NADSYN1: variants seen among roughly 807,000 people sequenced by gnomAD.
NADSYN1 encodes the protein glutamine-dependent NAD(+) synthetase.
A neutral mutation model predicts 99.3 loss-of-function variants in NADSYN1; 80 were observed. That is an observed-to-expected ratio of 0.81 (90% CI 0.67 to 0.97). NADSYN1 has a LOEUF of 0.97. Among genes scored for constraint, NADSYN1 ranks in the 50% least tolerant of loss-of-function variants. The probability of loss-of-function intolerance (pLI) is 0.00; values close to 1 mark genes in which losing one functional copy is unlikely to be tolerated. For synonymous variants in NADSYN1, 385 were observed against 372.1 expected, an observed-to-expected ratio of 1.03 and a Z score of -0.40; for missense variants, 859 against 948.5, an observed-to-expected ratio of 0.91 and a Z score of 1.24.
At chr11:71,477,519 A>G in intron 9 of NADSYN1, 3 of 1,145,616 alleles carry the variant, frequency 2.6e-6, no homozygotes, top group African/African-American at 3.2e-5. Context: ...GCAGTGGTGC[A>G]GGTGCTGTTC....
At chr11:71,466,133 C>A (rs1949587624) in intron 5 of NADSYN1, among the ~76,000 whole-genome samples, 2 of 152,118 alleles carry the variant, frequency 1.3e-5, no homozygotes, top group South Asian at 4.1e-4. Flanking sequence ...AGTCTTACTT[C>A]AGGTTTTTAA....
At chr11:71,476,989 G>T (rs1277730205) in intron 9 of NADSYN1, 1 of 1,040,962 alleles carries the variant, frequency 9.6e-7, no homozygotes, top group Non-Finnish European at 1.2e-6. Context: ...TATTCAGAGT[G>T]GCCGCGCTGT....
intron 16 of NADSYN1, among the ~76,000 whole-genome samples, chr11:71,488,244 G>C (rs373639187): frequency 1.3e-5 from 2 of 152,148 alleles, no homozygotes; most frequent in African/African-American, 4.8e-5. Context: ...CAAGTGGGAG[G>C]AGACAGTGAT....
intron 5 of NADSYN1, among the ~76,000 whole-genome samples, chr11:71,466,366 A>G (rs1792227): frequency 0.28 from 42,785 of 151,978 alleles, 6,527 homozygotes; most frequent in South Asian, 0.46. Flanking sequence ...CCTGTCTCCC[A>G]GGCCTAGTGT....
chr11:71,487,638 T>C (rs946438583), intron 16 of NADSYN1, among the ~76,000 whole-genome samples: 3 of 151,810 alleles, frequency 2.0e-5, no homozygotes, highest in Non-Finnish European at 4.4e-5. Flanking sequence ...GAGACCATCC[T>C]GGCTAACACG....
chr11:71,461,908 C>T (rs942128115), intron 3 of NADSYN1, among the ~76,000 whole-genome samples: 3 of 152,208 alleles, frequency 2.0e-5, no homozygotes, highest in Admixed American at 6.5e-5. Flanking sequence ...CAGAACACAT[C>T]GGAGAGGAAT....
chr11:71,490,772 C>A, intron 16 of NADSYN1, 73 bp from the exon 17 acceptor site: 1 of 1,574,084 alleles, frequency 6.4e-7, no homozygotes, highest in Non-Finnish European at 8.6e-7. Context: ...GAAGAAGCGA[C>A]TCCCTGGCTG....
rs777486827 is a variant in NADSYN1 at position 71,455,153 on chromosome 11, A to C, written c.129A>C (p.Gly43=). ...AKNRGARYRL[G]PELEICGYGC... is the part of the protein sequence containing the mutation. ...ACAGAGGAGCAAGATACAGGCTTGG[A>C]CCAGAGCTGGAAATATGGTGAGAAC... Residue 43 remains glycine (G), a synonymous_variant, in exon 2 of 21, where the codon GGA becomes GGC. Coordinates refer to ENST00000319023, the MANE Select transcript of NADSYN1 (RefSeq NM_018161.5). The C allele has an allele frequency of 1.2e-6, 2 of 1,613,842 alleles. No homozygotes were observed. The highest frequency in any genetic ancestry group is 1.1e-5 in the South Asian group (1 of 91,030).
At chr11:71,472,611 CAG>C (rs1302907691) in intron 6 of NADSYN1, 111 bp downstream of exon 6, 1 of 950,720 alleles carries the variant, frequency 1.1e-6, no homozygotes, top group African/African-American at 1.6e-5. Context: ...GAAGGCACCA[CAG>C]TGCTCACAGG....
chr11:71,481,479 A>G, intron 12 of NADSYN1, 75 bp downstream of exon 12: 1 of 1,274,524 alleles, frequency 7.8e-7, no homozygotes, highest in Non-Finnish European at 1.1e-6. Context: ...GGGGCAGGGT[A>G]GGGATTTTTT....
Position 71,460,153 on chromosome 11 carries a change from AT to A in NADSYN1, c.263+1611del, listed in dbSNP as rs573476817. The A allele has an allele frequency of 6.0e-4, 91 of 152,278 alleles. 1 individual carries two copies. Among genetic ancestry groups the A allele is most frequent in the African/African-American group, 1.9e-3 (80 of 41,506 alleles). The allele number at this position is 152,278 out of a possible 1,614,324, so 9.4% of individuals were successfully genotyped here. ...TGGGGACCCTTGCTGGCTGGCCCAG[AT>A]TGTCCAGAATCATCTCCCATCTCAA... On this transcript the variant is annotated intron_variant, in intron 3 of 20. Transcript: ENST00000319023.
At chr11:71,491,537 C>T (rs1241545668) in intron 17 of NADSYN1, among the ~76,000 whole-genome samples, 1 of 152,184 alleles carries the variant, frequency 6.6e-6, no homozygotes, top group Non-Finnish European at 1.5e-5. Flanking sequence ...ACATTCCCTA[C>T]AGCAGAGTCC....
chr11:71,499,472 T>A (rs1949843384), intron 20 of NADSYN1: 1 of 152,234 alleles, frequency 6.6e-6, no homozygotes, highest in South Asian at 2.1e-4. Flanking sequence ...AATTAGCAGC[T>A]GGACACCCCT....
intron 15 of NADSYN1, 173 bp from the exon 16 acceptor site, chr11:71,485,369 A>G (rs958526004): frequency 5.9e-6 from 3 of 505,280 alleles, no homozygotes; most frequent in Middle Eastern, 1.0e-3. Flanking sequence ...AGGTGGGACC[A>G]CCCCGAGAGG....
chr11:71,454,965 G>A, intron 1 of NADSYN1, 145 bp from the exon 2 acceptor site: 3 of 640,912 alleles, frequency 4.7e-6, no homozygotes, highest in Non-Finnish European at 8.2e-6. Flanking sequence ...AAGCCTGACT[G>A]CATCCCGTCT....
chr11:71,464,235 A>T lies in NADSYN1; in HGVS notation c.407+93A>T, dbSNP rs1173438051. ...CTGATCATGGGAGTGTTACCGGTGG[A>T]GGGTGTCCAGGTTTTTGACATTTTG... is the stretch of plus-strand genomic sequence containing the variant. On this transcript the variant is annotated intron_variant, in intron 5 of 20. Coordinates refer to ENST00000319023, the MANE Select transcript of NADSYN1 (RefSeq NM_018161.5). The T allele has an allele frequency of 4.1e-6, 4 of 985,790 alleles. No homozygotes were observed. In the African/African-American group the frequency reaches 6.5e-5, roughly 16 times the overall value. 61.1% of individuals were successfully genotyped at this position (985,790 alleles called of 1,614,324 possible).
At chr11:71,499,649 A>G (rs1481613576) in intron 20 of NADSYN1, 1 of 152,238 alleles carries the variant, frequency 6.6e-6, no homozygotes, top group East Asian at 1.9e-4. Context: ...TCCCTTTTCC[A>G]AAGCCAGTTT....
chr11:71,485,920 A>G (rs1024474777), intron 16 of NADSYN1, among the ~76,000 whole-genome samples: 7 of 152,112 alleles, frequency 4.6e-5, no homozygotes, highest in African/African-American at 1.7e-4. Flanking sequence ...GCCCTCTGCC[A>G]TGGTCAGGCT....
chr11:71,473,929 G>T (rs558468787), intron 8 of NADSYN1, among the ~76,000 whole-genome samples: 1 of 152,214 alleles, frequency 6.6e-6, no homozygotes, highest in Admixed American at 6.5e-5. Flanking sequence ...ACCAGGAACC[G>T]GAACGTGCTC....
Sources: allele counts gnomAD v4.1 joint callset (sites outside exome capture counted in the v4.1 genomes callset), GRCh38; gene constraint gnomAD v4.1.1; transcripts MANE v1.5; gene names NCBI Gene and HGNC (gene_info 2026-07-23, HGNC 2026-07-21).